PCDHA9: variants seen among roughly 807,000 people sequenced by gnomAD.
PCDHA9 encodes the protein protocadherin alpha-9.
In PCDHA9, 62 loss-of-function variants were observed where a neutral mutation model predicts 62.0. The observed-to-expected ratio is 1.00, with a 90% CI of 0.81 to 1.23. The LOEUF is 1.23. Among genes scored for constraint, PCDHA9 ranks in the 50% most tolerant of loss-of-function variants. The pLI is 0.00. For synonymous variants in PCDHA9, 557 were observed against 567.6 expected (o/e 0.98, Z 0.27); for missense variants, 1,205 against 1,249.8 (o/e 0.96, Z 0.54).
chr5:140,966,047 T>G (rs1463127286), intron 1 of PCDHA9, among the ~76,000 whole-genome samples: 1 of 152,214 alleles, frequency 6.6e-6, no homozygotes, highest in Admixed American at 6.5e-5. Flanking sequence ...CCATCGCCAG[T>G]AACCCCAGAG....
intron 1 of PCDHA9, chr5:140,859,885 A>G (rs2046070858): frequency 1.3e-5 from 2 of 151,844 alleles, no homozygotes; most frequent in South Asian, 4.2e-4. Context: ...TGATATTTTG[A>G]AAAAAAATCT....
intron 1 of PCDHA9, among the ~76,000 whole-genome samples, chr5:140,926,169 G>C (rs1212199081): frequency 6.6e-6 from 1 of 151,734 alleles, no homozygotes; most frequent in Non-Finnish European, 1.5e-5. Flanking sequence ...GCAGGATCCA[G>C]CGCGGAAAGC....
chr5:140,954,433 T>C (rs1554221415), intron 1 of PCDHA9, among the ~76,000 whole-genome samples: 2 of 151,820 alleles, frequency 1.3e-5, no homozygotes, highest in African/African-American at 4.8e-5. Flanking sequence ...TCTCCATCTG[T>C]TGTTTCTGGA....
Position 140,848,404 on chromosome 5 carries a change from G to T in PCDHA9, c.-92G>T, listed in dbSNP as rs2150409981. The stretch of plus-strand genomic sequence containing the variant: ...TTCACTCTCTCTGTGCTGAACGATG[G>T]CGAACACAGCAGAATGGGACTGACG... On this transcript the variant is annotated 5_prime_UTR_variant, in exon 1 of 4. Coordinates refer to ENST00000532602, the MANE Select transcript of PCDHA9 (RefSeq NM_031857.2). 7 of 1,324,350 alleles carry T rather than the reference G, an allele frequency of 5.3e-6. 2 individuals are homozygous for T. In the Admixed American group the frequency reaches 1.3e-4, roughly 24 times the overall value. 82.0% of individuals were successfully genotyped at this position (1,324,350 alleles called of 1,614,324 possible).
At chr5:140,852,963 C>T in intron 1 of PCDHA9, 1 of 424,740 alleles carries the variant, frequency 2.4e-6, no homozygotes, top group Non-Finnish European at 3.3e-6. Context: ...ACTCCAAGCT[C>T]CCCCTCCCGT....
chr5:140,912,393 G>T (rs1312827248), intron 1 of PCDHA9, among the ~76,000 whole-genome samples: 1 of 147,816 alleles, frequency 6.8e-6, no homozygotes, highest in Admixed American at 6.7e-5. Context: ...TTCTTAATTT[G>T]ATTCTCAGCT....
rs782354826 is a variant in PCDHA9, at chr5:140,856,955, G to A, written c.2394+6066G>A. 3 of 1,593,892 alleles carry A rather than the reference G, an allele frequency of 1.9e-6. No individual in the cohort carries two copies. The Admixed American group carries it at 5.1e-5, about 27-fold the overall frequency. On this transcript the variant is annotated intron_variant, in intron 1 of 3. Coordinates refer to ENST00000532602, the MANE Select transcript of PCDHA9 (RefSeq NM_031857.2). Reference sequence around the variant, plus strand: ...AAACGAAAGGACGGGAGAAATAAAAGTAAATGATGCTATTGACTTTGAGGA... The same window carrying A: ...AAACGAAAGGACGGGAGAAATAAAAATAAATGATGCTATTGACTTTGAGGA...
At position 140,849,946 on chromosome 5, in the gene PCDHA9, C is replaced by T. The variant is rs2041246534; in HGVS notation, c.1451C>T (p.Ala484Val). Residue 484 changes from alanine (A) to valine (V), a missense_variant, in exon 1 of 4, where the codon GCG becomes GTG. This residue lies in a region of PCDHA9 where 887 missense variants were observed against 809.5 expected (regional missense o/e 1.10). Coordinates refer to ENST00000532602, the MANE Select transcript of PCDHA9 (RefSeq NM_031857.2). ...IFTVSARDAD[A>V]QENALVSYSL... Reference sequence around the variant, plus strand: ...ACGGTGTCTGCGCGGGACGCTGACGCGCAGGAGAACGCCCTGGTGTCCTAC... The same window carrying T: ...ACGGTGTCTGCGCGGGACGCTGACGTGCAGGAGAACGCCCTGGTGTCCTAC... 5 of 1,597,770 alleles carry T rather than the reference C, an allele frequency of 3.1e-6. No homozygotes were observed. The highest frequency in any genetic ancestry group is 2.2e-5 in the East Asian group (1 of 44,840).
At chr5:140,929,557 A>AT (rs2086230665) in intron 1 of PCDHA9, 1 of 478,260 alleles carries the variant, frequency 2.1e-6, no homozygotes, top group Non-Finnish European at 3.6e-6. Flanking sequence ...ATTAAAACCT[A>AT]TTTAAGAACA....
At chr5:140,859,929 A>C (rs568538695) in intron 1 of PCDHA9, 3 of 152,046 alleles carry the variant, frequency 2.0e-5, no homozygotes, top group African/African-American at 7.2e-5. Context: ...TAATATAAAA[A>C]ACTTAGTAAA....
In PCDHA9 at chr5:140,964,303, C is replaced by T. The variant is rs947126454; in HGVS notation, c.2395-14646C>T. Among the ~76,000 whole-genome samples the T allele has an allele frequency of 9.2e-5, 14 of 152,208 alleles. 1 individual carries two copies. Among genetic ancestry groups the T allele is most frequent in the Non-Finnish European group, 2.9e-5 (2 of 68,038 alleles). On this transcript the variant is annotated intron_variant, in intron 1 of 3. Coordinates refer to ENST00000532602, the MANE Select transcript of PCDHA9 (RefSeq NM_031857.2). ...AATTCTAGCTGGAGCTAAATACCTA[C>T]AAGGCCTAAAACAGCATAATGGACA... is the stretch of plus-strand genomic sequence containing the variant.
chr5:140,962,370 T>G (rs1554225991), intron 1 of PCDHA9, among the ~76,000 whole-genome samples: 1 of 152,214 alleles, frequency 6.6e-6, no homozygotes, highest in South Asian at 2.1e-4. Flanking sequence ...GCTAGTTTGA[T>G]TTTATCTGTT....
chr5:140,896,389 G>C (rs2065520134), intron 1 of PCDHA9, among the ~76,000 whole-genome samples: 1 of 152,124 alleles, frequency 6.6e-6, no homozygotes, highest in East Asian at 1.9e-4. Flanking sequence ...AACCTCACCA[G>C]CATCTGTTAT....
At chr5:140,996,098 A>G (rs1173929406) in intron 3 of PCDHA9, among the ~76,000 whole-genome samples, 1 of 152,214 alleles carries the variant, frequency 6.6e-6, no homozygotes, top group Non-Finnish European at 1.5e-5. Context: ...ATTACATGGA[A>G]TGGTATGGAA....
At chr5:140,897,547 C>T (rs1276931434) in intron 1 of PCDHA9, among the ~76,000 whole-genome samples, 3 of 152,076 alleles carry the variant, frequency 2.0e-5, no homozygotes, top group Non-Finnish European at 2.9e-5. Context: ...CATAGTCTTC[C>T]ATGGTGTATA....
At chr5:140,882,601 C>G (rs1322989069) in intron 1 of PCDHA9, 1 of 1,614,144 alleles carries the variant, frequency 6.2e-7, no homozygotes, top group Admixed American at 1.7e-5. Flanking sequence ...TGATCGTGGA[C>G]AGGCCTCTGC....
In PCDHA9 at chr5:140,900,434, C is replaced by T. The variant is rs545919996; in HGVS notation, c.2394+49545C>T. On this transcript the variant is annotated intron_variant, in intron 1 of 3. Transcript: ENST00000532602. Reference sequence around the variant, plus strand: ...CTGGGATTATAGGCACGTGCCACCACGGCCGGCTAATTTTTTATTTTTAGT... The same window carrying T: ...CTGGGATTATAGGCACGTGCCACCATGGCCGGCTAATTTTTTATTTTTAGT... Among the ~76,000 whole-genome samples, 18 of 152,264 alleles carry T rather than the reference C, an allele frequency of 1.2e-4. No individual in the cohort carries two copies. The East Asian group carries it at 2.5e-3, about 21-fold the overall frequency.
chr5:140,872,471 T>TA (rs1468696649), intron 1 of PCDHA9, among the ~76,000 whole-genome samples: 3 of 152,026 alleles, frequency 2.0e-5, no homozygotes, highest in Non-Finnish European at 4.4e-5. Context: ...TATAAAAAAT[T>TA]AAAAAATTAG....
chr5:140,905,882 A>G (rs1213836068), intron 1 of PCDHA9, among the ~76,000 whole-genome samples: 1 of 152,192 alleles, frequency 6.6e-6, no homozygotes, highest in Admixed American at 6.5e-5. Context: ...GCCCAACAAT[A>G]GGCCATCTGC....
Sources: gnomAD v4.1 joint callset for allele counts (sites outside exome capture counted in the v4.1 genomes callset) on GRCh38, gnomAD v4.1.1 for gene constraint, gnomAD v4.1.1 regional missense constraint, MANE v1.5 for transcripts, NCBI Gene and HGNC (gene_info 2026-07-23, HGNC 2026-07-21) for gene names.